Variants in FGF12 observed in about 807,000 individuals in gnomAD.
FGF12 encodes fibroblast growth factor 12, also known as fibroblast growth factor 12B.
A neutral mutation model predicts 23.6 loss-of-function variants in FGF12; 14 were observed. The ratio of observed to expected loss-of-function variants is 0.59; its 90% CI spans 0.39 to 0.93. The LOEUF (loss-of-function observed/expected upper bound fraction) is 0.93. Among genes scored for constraint, FGF12 ranks in the 40% least tolerant of loss-of-function variants. FGF12 has a pLI of 0.00. For missense variants in FGF12, 175 were observed against 217.8 expected, an observed-to-expected ratio of 0.80 and a Z score of 1.24; for synonymous variants, 62 against 77.3, an observed-to-expected ratio of 0.80 and a Z score of 1.04.
In FGF12 at chr3:192,649,338, A is replaced by G. The variant is rs1577098570; in HGVS notation, c.13+77843T>C. 2.0e-5 allele frequency among the ~76,000 whole-genome samples: 3 copies of G among 152,146 alleles called. No individual in the cohort carries two copies. The East Asian group carries it at 5.8e-4, about 29-fold the overall frequency. ...ATGGTAATGTCTATTCAATGGGCGGAAAGAGCTAGGCCCTCCCAAAGTGCA... is the reference window on the plus strand; with the variant it reads ...ATGGTAATGTCTATTCAATGGGCGGGAAGAGCTAGGCCCTCCCAAAGTGCA... On this transcript the variant is annotated intron_variant, in intron 2 of 5. Transcript: ENST00000445105.
chr3:192,306,996 T>C (rs750949825), intron 4 of FGF12, among the ~76,000 whole-genome samples: 1 of 152,218 alleles, frequency 6.6e-6, no homozygotes, highest in Non-Finnish European at 1.5e-5. Flanking sequence ...ATTAGATTTG[T>C]TTAATATTCT....
At chr3:192,617,098 CT>C (rs1714785366) in intron 2 of FGF12, among the ~76,000 whole-genome samples, 1 of 151,890 alleles carries the variant, frequency 6.6e-6, no homozygotes, top group Non-Finnish European at 1.5e-5. Flanking sequence ...TGAATACGGG[CT>C]GGTCCAGTTA....
chr3:192,360,614 T>C lies in FGF12; in HGVS notation c.14-76A>G, dbSNP rs577788283. 4 of 966,310 alleles carry C rather than the reference T, an allele frequency of 4.1e-6. No individual in the cohort carries two copies. The African/African-American group carries it at 6.4e-5, about 16-fold the overall frequency. The allele number at this position is 966,310 out of a possible 1,614,324, so 59.9% of individuals were successfully genotyped here. A position where few individuals can be genotyped will look rare whatever the true frequency, so the allele number is the denominator to read the frequency against. On this transcript the variant is annotated intron_variant, in intron 2 of 5. Transcript: ENST00000445105. The surrounding 1 kb of genome is among the most constrained non-coding windows in gnomAD (Gnocchi z 4.3). ...CACTTACAGATTGTTAAAAACATCC[T>C]GTAAGTAAATACGTAAATGCCAATA...
intron 3 of FGF12, among the ~76,000 whole-genome samples, chr3:192,348,572 A>G (rs1718068766): frequency 6.6e-6 from 1 of 152,196 alleles, no homozygotes; most frequent in African/African-American, 2.4e-5. Context: ...ATAATATTTT[A>G]GAACTAAACC....
chr3:192,694,442 C>T (rs1718043699), intron 2 of FGF12, among the ~76,000 whole-genome samples: 1 of 152,074 alleles, frequency 6.6e-6, no homozygotes, highest in African/African-American at 2.4e-5. Flanking sequence ...TACCTGCATT[C>T]CCATGTTCAC....
chr3:192,690,124 CA>C (rs1717895215), intron 2 of FGF12, among the ~76,000 whole-genome samples: 1 of 151,882 alleles, frequency 6.6e-6, no homozygotes, highest in Admixed American at 6.6e-5. Flanking sequence ...AGTTCATCAC[CA>C]CTGGAATTGC....
chr3:192,174,818 A>G (rs908822898), intron 4 of FGF12, among the ~76,000 whole-genome samples: 4 of 152,234 alleles, frequency 2.6e-5, no homozygotes, highest in African/African-American at 9.6e-5. Context: ...AGTGATTACA[A>G]TTCTCTAAAT....
At chr3:192,270,809 AAGGAAGGAAAGAAG>A (rs1426334008) in intron 4 of FGF12, among the ~76,000 whole-genome samples, 1 of 149,866 alleles carries the variant, frequency 6.7e-6, no homozygotes, top group Non-Finnish European at 1.5e-5. Context: ...GGAAGGAAGG[AAGGAAGGAAAGAAG>A]GAAGGAAGGA....
At chr3:192,446,270 A>G (rs1256774695) in intron 2 of FGF12, among the ~76,000 whole-genome samples, 3 of 152,242 alleles carry the variant, frequency 2.0e-5, no homozygotes, top group Non-Finnish European at 4.4e-5. Context: ...ATATGGCTGT[A>G]TACCAAGTGA....
At chr3:192,392,591 CGAGAGAGAGAGAGAGAGAGA>C (rs67784749) in intron 2 of FGF12, among the ~76,000 whole-genome samples, 6 of 41,846 alleles carry the variant, frequency 1.4e-4, no homozygotes, top group African/African-American at 4.7e-4. Context: ...AGTGAAACTC[CGAGAGAGAGAGAGAGAGAGA>C]GAGAGAGAGA....
intron 4 of FGF12, among the ~76,000 whole-genome samples, chr3:192,182,932 G>A (rs1223114379): frequency 6.6e-6 from 1 of 152,206 alleles, no homozygotes; most frequent in Non-Finnish European, 1.5e-5. Context: ...CGGCCATGGG[G>A]AAGAAACAAC....
intron 2 of FGF12, among the ~76,000 whole-genome samples, chr3:192,643,539 T>C (rs1284681254): frequency 6.6e-6 from 1 of 152,206 alleles, no homozygotes; most frequent in Non-Finnish European, 1.5e-5. Flanking sequence ...ACCAGCCATG[T>C]TGTATTACAC....
At chr3:192,292,213 G>C (rs920901498) in intron 4 of FGF12, among the ~76,000 whole-genome samples, 2 of 152,120 alleles carry the variant, frequency 1.3e-5, no homozygotes, top group African/African-American at 4.8e-5. Flanking sequence ...GGACCAAGTA[G>C]CTATTGACAA....
chr3:192,660,278 C>G (rs1227301892), intron 2 of FGF12, among the ~76,000 whole-genome samples: 1 of 147,900 alleles, frequency 6.8e-6, no homozygotes, highest in African/African-American at 2.5e-5. Flanking sequence ...CCAAACACCT[C>G]ATGTTCTCAC....
chr3:192,520,012 C>G (rs751649513), intron 2 of FGF12, among the ~76,000 whole-genome samples: 1 of 152,166 alleles, frequency 6.6e-6, no homozygotes, highest in Non-Finnish European at 1.5e-5. Flanking sequence ...GCCCTGGATT[C>G]AAATGATTGC....
intron 3 of FGF12, among the ~76,000 whole-genome samples, chr3:192,343,966 A>G (rs1457847860): frequency 6.6e-6 from 1 of 152,120 alleles, no homozygotes; most frequent in Non-Finnish European, 1.5e-5. Context: ...AGTCAAGGAA[A>G]TAAGTGGTCT....
chr3:192,643,838 C>T (rs76786243), intron 2 of FGF12, among the ~76,000 whole-genome samples: 13,259 of 152,216 alleles, frequency 0.087, 753 homozygotes, highest in Middle Eastern at 0.14. Flanking sequence ...AATGAAAAAA[C>T]AGTTGAACTC....
chr3:192,147,719 G>T (rs1212797354), intron 5 of FGF12, among the ~76,000 whole-genome samples: 2 of 152,116 alleles, frequency 1.3e-5, no homozygotes, highest in Admixed American at 6.5e-5. Context: ...AGTAGTGGCA[G>T]GGCCAGGATG....
At chr3:192,561,057 T>C (rs1444127360) in intron 2 of FGF12, among the ~76,000 whole-genome samples, 1 of 152,140 alleles carries the variant, frequency 6.6e-6, no homozygotes, top group African/African-American at 2.4e-5. Flanking sequence ...AGAGGTCACA[T>C]ATTACATGAC....
Sources: allele counts gnomAD v4.1 joint callset (sites outside exome capture counted in the v4.1 genomes callset), GRCh38; gene constraint gnomAD v4.1.1; non-coding constraint Gnocchi (gnomAD v3.1); transcripts MANE v1.5; gene names NCBI Gene and HGNC (gene_info 2026-07-23, HGNC 2026-07-21).